LRP1B: variants seen among roughly 807,000 people sequenced by gnomAD.
The protein encoded by LRP1B is LDL receptor related protein 1B.
Under a neutral mutation model 556.6 loss-of-function variants are expected in LRP1B, and 217 were observed. The observed-to-expected ratio is 0.39, with a 90% confidence interval of 0.35 to 0.44. The LOEUF is 0.44. Ranked by LOEUF, LRP1B falls within the 20% of genes least tolerant of loss-of-function variation. LRP1B has a pLI of 1.00. For synonymous variants in LRP1B, 2,047 were observed against 1,865.8 expected (o/e 1.10, Z -2.50); for missense variants, 5,053 against 5,620.8 (o/e 0.90, Z 3.23).
At chr2:141,804,590 C>T (rs1696110869) in intron 2 of LRP1B, among the ~76,000 whole-genome samples, 1 of 151,992 alleles carries the variant, frequency 6.6e-6, no homozygotes, top group African/African-American at 2.4e-5. Flanking sequence ...GGGAACAGAA[C>T]TGACTTTCAG....
chr2:141,009,996 A>G (rs1697695415), intron 14 of LRP1B, among the ~76,000 whole-genome samples: 1 of 152,010 alleles, frequency 6.6e-6, no homozygotes, highest in Non-Finnish European at 1.5e-5. Flanking sequence ...GCTTTCTCAT[A>G]TGTAAAATAT....
intron 2 of LRP1B, among the ~76,000 whole-genome samples, chr2:141,714,670 C>T (rs1692507803): frequency 1.3e-5 from 2 of 152,066 alleles, no homozygotes; most frequent in South Asian, 4.1e-4. Context: ...AAACGCATGA[C>T]CTGGCAGGAA....
intron 7 of LRP1B, among the ~76,000 whole-genome samples, chr2:141,083,930 GA>G (rs1699985879): frequency 1.3e-5 from 2 of 152,152 alleles, no homozygotes; most frequent in African/African-American, 4.8e-5. Flanking sequence ...AAAAGCAACA[GA>G]AAATGAACTA....
At chr2:141,485,841 C>G (rs1053182520) in intron 2 of LRP1B, among the ~76,000 whole-genome samples, 1 of 152,126 alleles carries the variant, frequency 6.6e-6, no homozygotes, top group African/African-American at 2.4e-5. Context: ...TGAAGACTTT[C>G]AGGCATTTGA....
chr2:140,673,904 G>A (rs941998556), intron 41 of LRP1B, among the ~76,000 whole-genome samples: 10 of 150,652 alleles, frequency 6.6e-5, no homozygotes, highest in East Asian at 2.0e-4. Context: ...ACTCCAACCC[G>A]CAACATATTT....
At chr2:141,534,936 A>G (rs1163222496) in intron 2 of LRP1B, among the ~76,000 whole-genome samples, 4 of 152,000 alleles carry the variant, frequency 2.6e-5, no homozygotes, top group Non-Finnish European at 5.9e-5. Context: ...GTGGTTTGGT[A>G]TATCTTTTTT....
At position 141,448,185 on chromosome 2, in the gene LRP1B, C is replaced by A. The variant is rs117466248; in HGVS notation, c.343+32211G>T. ...TGAGCTGTGGTGGGCTCCACCCAGTCTGCACTTCCCAGGGACTTTGTTTAC... is the reference window on the plus strand; with the variant it reads ...TGAGCTGTGGTGGGCTCCACCCAGTATGCACTTCCCAGGGACTTTGTTTAC... On this transcript the variant is annotated intron_variant, in intron 3 of 90. Transcript: ENST00000389484. 3.5e-4 allele frequency among the ~76,000 whole-genome samples: 54 copies of A among 152,294 alleles called. No homozygotes were observed. The East Asian group carries it at 0.01, about 28-fold the overall frequency.
At chr2:140,636,264 C>G (rs912209887) in intron 41 of LRP1B, among the ~76,000 whole-genome samples, 9 of 152,088 alleles carry the variant, frequency 5.9e-5, no homozygotes, top group African/African-American at 2.2e-4. Flanking sequence ...ATGGAAGACT[C>G]AATACCCGTG....
intron 1 of LRP1B, among the ~76,000 whole-genome samples, chr2:142,058,668 G>T (rs954680692): frequency 1.3e-5 from 2 of 152,026 alleles, no homozygotes; most frequent in Admixed American, 1.3e-4. Context: ...CCCTGCTTTA[G>T]AGCACTTTAC....
In LRP1B at chr2:141,957,246, A is replaced by G. The variant is rs1169671499; in HGVS notation, c.83-146845T>C. ...ACAACTCATGTATCTTTGCAGGTGA[A>G]CCACAGTCACAAGGCATGGGCTGGG... is the stretch of plus-strand genomic sequence containing the variant. On this transcript the variant is annotated intron_variant, in intron 1 of 90. Coordinates refer to ENST00000389484, the MANE Select transcript of LRP1B (RefSeq NM_018557.3). Among the ~76,000 whole-genome samples the G allele has an allele frequency of 1.3e-5, 2 of 151,924 alleles. 1 individual carries two copies. The highest frequency in any genetic ancestry group is 3.9e-4 in the East Asian group (2 of 5,134).
chr2:140,509,066 A>T (rs1689538932), intron 52 of LRP1B, among the ~76,000 whole-genome samples: 1 of 86,778 alleles, frequency 1.2e-5, no homozygotes, highest in African/African-American at 4.2e-5. Flanking sequence ...ACCCCTGCAC[A>T]CACACACACA....
chr2:140,737,504 G>A (rs948594395), intron 35 of LRP1B, among the ~76,000 whole-genome samples: 10 of 152,256 alleles, frequency 6.6e-5, no homozygotes, highest in East Asian at 5.8e-4. Flanking sequence ...TAGGAGTCAC[G>A]TTCTTAGTCC....
intron 1 of LRP1B, among the ~76,000 whole-genome samples, chr2:141,937,428 T>C (rs982861161): frequency 1.3e-5 from 2 of 151,236 alleles, no homozygotes; most frequent in Admixed American, 6.6e-5. Flanking sequence ...AAATATAACA[T>C]GTACTGAAGA....
rs567305281 is a variant in LRP1B, at chr2:141,575,753, T to TA, written c.206-95221dup. Among the ~76,000 whole-genome samples, 333 of 136,028 alleles carry TA rather than the reference T, an allele frequency of 2.4e-3. 1 individual carries two copies. The highest frequency in any genetic ancestry group is 0.015 in the East Asian group (64 of 4,404). The allele number at this position is 136,028 out of a possible 152,430, so 89.2% of individuals were successfully genotyped here. A position where few individuals can be genotyped will look rare whatever the true frequency, so the allele number is the denominator to read the frequency against. ...AATGAACTTAAACAATATTTACAAT[T>TA]AAAAAAAAAAAACAACTCCGTCAAA... On this transcript the variant is annotated intron_variant, in intron 2 of 90. Coordinates refer to ENST00000389484, the MANE Select transcript of LRP1B (RefSeq NM_018557.3).
intron 7 of LRP1B, among the ~76,000 whole-genome samples, chr2:141,108,334 C>CTTTTTTTTTTTTTTTTTTTTTTTTTTTT (rs60275697): frequency 1.1e-5 from 1 of 88,514 alleles, no homozygotes; most frequent in Non-Finnish European, 2.1e-5. Flanking sequence ...TAATCTGTTT[C>CTTTTTTTTTTTTTTTTTTTTTTTTTTTT]TTTTTTTTTT....
At chr2:141,615,798 C>T (rs1309070643) in intron 2 of LRP1B, among the ~76,000 whole-genome samples, 2 of 152,206 alleles carry the variant, frequency 1.3e-5, no homozygotes, top group African/African-American at 2.4e-5. Context: ...AATTGGTTCT[C>T]AAGTAAGGTC....
chr2:141,638,783 T>G lies in LRP1B; in HGVS notation c.206-158250A>C, dbSNP rs769433868. Among the ~76,000 whole-genome samples, 17 of 104,314 alleles carry G rather than the reference T, an allele frequency of 1.6e-4. 6 individuals are homozygous for G. The highest frequency in any genetic ancestry group is 3.4e-4 in the Non-Finnish European group (15 of 44,730). 68.4% of individuals were successfully genotyped at this position (104,314 alleles called of 152,430 possible). ...AAGTTTAGTTAAGAATGGCATGGTA[T>G]TAGTACTGGGTACATGAAAGCATCA... On this transcript the variant is annotated intron_variant, in intron 2 of 90. Coordinates refer to ENST00000389484, the MANE Select transcript of LRP1B (RefSeq NM_018557.3).
At chr2:141,532,600 G>T (rs1684926286) in intron 2 of LRP1B, among the ~76,000 whole-genome samples, 1 of 151,822 alleles carries the variant, frequency 6.6e-6, no homozygotes, top group African/African-American at 2.4e-5. Context: ...AGGATGGGTT[G>T]TTCATATGCA....
chr2:141,138,391 T>C (rs1231531350), intron 7 of LRP1B, among the ~76,000 whole-genome samples: 4 of 151,918 alleles, frequency 2.6e-5, no homozygotes, highest in Non-Finnish European at 5.9e-5. Flanking sequence ...ATCACTTCTA[T>C]TCAATACAGT....
Sources: allele counts gnomAD v4.1 joint callset (sites outside exome capture counted in the v4.1 genomes callset), GRCh38; gene constraint gnomAD v4.1.1; transcripts MANE v1.5; gene names NCBI Gene and HGNC (gene_info 2026-07-23, HGNC 2026-07-21).